Variants in PXYLP1 observed in about 807,000 individuals in gnomAD.
The protein encoded by PXYLP1 is acid phosphatase-like 2.
Under a neutral mutation model 37.9 loss-of-function variants are expected in PXYLP1, and 17 were observed. The ratio of observed to expected loss-of-function variants is 0.45; its 90% CI spans 0.31 to 0.67. The LOEUF (loss-of-function observed/expected upper bound fraction) is 0.67, where lower values mean the gene tolerates loss of function less well. Among genes scored for constraint, PXYLP1 ranks in the 30% least tolerant of loss-of-function variants. The pLI is 0.07. For synonymous variants in PXYLP1, 221 were observed against 232.2 expected (o/e 0.95, Z 0.44); for missense variants, 511 against 612.0 (o/e 0.84, Z 1.74).
At chr3:141,273,452 G>A (rs1941716448) in intron 2 of PXYLP1, 2 of 985,440 alleles carry the variant, frequency 2.0e-6, no homozygotes, top group South Asian at 9.4e-5. Context: ...TATAGCTATG[G>A]GAATGTTTAC....
intron 2 of PXYLP1, among the ~76,000 whole-genome samples, chr3:141,266,721 G>A (rs1168704220): frequency 3.3e-5 from 5 of 151,016 alleles, no homozygotes; most frequent in African/African-American, 2.4e-5. Flanking sequence ...GGCGGGGGGA[G>A]AGAGGGAAAG....
rs149394094 is a variant in PXYLP1, at chr3:141,283,953, G to T, written c.366-3361G>T. 2.6e-4 allele frequency among the ~76,000 whole-genome samples: 40 copies of T among 152,092 alleles called. No individual in the cohort carries two copies. In the East Asian group the frequency reaches 7.7e-3, roughly 29 times the overall value. ...CAAAGTGAATGACTTGAAGGCTTAA[G>T]ATAGTAACACTTTTGATTATTTCAG... On this transcript the variant is annotated intron_variant, in intron 4 of 5. Transcript: ENST00000286353.
At chr3:141,285,145 T>TTTTTC (rs67126108) in intron 4 of PXYLP1, among the ~76,000 whole-genome samples, 1 of 81,640 alleles carries the variant, frequency 1.2e-5, no homozygotes, top group African/African-American at 7.0e-5. Context: ...TTTCTTTTTC[T>TTTTTC]TTTTTTTTTT....
At chr3:141,271,660 AG>A (rs1270673034) in intron 2 of PXYLP1, among the ~76,000 whole-genome samples, 1 of 152,222 alleles carries the variant, frequency 6.6e-6, no homozygotes, top group Non-Finnish European at 1.5e-5. Context: ...AATCAGAAGA[AG>A]GCTGACAGCC....
At chr3:141,283,150 T>A (rs942659390) in intron 4 of PXYLP1, among the ~76,000 whole-genome samples, 22 of 151,684 alleles carry the variant, frequency 1.5e-4, no homozygotes, top group Middle Eastern at 6.8e-3. Flanking sequence ...TATTTTTTTT[T>A]TTTTTTATTT....
chr3:141,257,904 CAAAAAAAAAAAA>C (rs59070598), intron 1 of PXYLP1, among the ~76,000 whole-genome samples: 18 of 79,446 alleles, frequency 2.3e-4, no homozygotes, highest in African/African-American at 7.3e-4. Context: ...AACTCTGTCT[CAAAAAAAAAAAA>C]AAAAAAAAAA....
Position 141,278,512 on chromosome 3 carries a change from T to A in PXYLP1, c.238+12T>A. The A allele has an allele frequency of 6.2e-7, 1 of 1,614,058 alleles. No individual in the cohort carries two copies. The highest frequency in any genetic ancestry group is 8.5e-7 in the Non-Finnish European group (1 of 1,179,946). On this transcript the variant is annotated intron_variant, in intron 3 of 5. Transcript: ENST00000286353. ...GCGCAGCATGGAAGGTAGGCCTGAC[T>A]GTGCCACCAGGACAGATACCCCTTT...
At chr3:141,241,663 G>T (rs1940804589) in intron 1 of PXYLP1, among the ~76,000 whole-genome samples, 1 of 152,246 alleles carries the variant, frequency 6.6e-6, no homozygotes, top group Non-Finnish European at 1.5e-5. Flanking sequence ...AGTCGTGCGA[G>T]ATGGTGTGGC....
At chr3:141,233,759 G>T (rs1012292112) in intron 1 of PXYLP1, among the ~76,000 whole-genome samples, 15 of 152,198 alleles carry the variant, frequency 9.9e-5, no homozygotes, top group African/African-American at 3.6e-4. Flanking sequence ...TTGTGGAACT[G>T]CAGTATCTGT....
At chr3:141,290,110 C>T (rs1489942283) in intron 5 of PXYLP1, among the ~76,000 whole-genome samples, 1 of 152,128 alleles carries the variant, frequency 6.6e-6, no homozygotes, top group Non-Finnish European at 1.5e-5. Flanking sequence ...ACTTACGGCA[C>T]CCTACAGTAA....
Position 141,260,158 on chromosome 3 carries a change from A to T in PXYLP1, c.-18A>T. On this transcript the variant is annotated 5_prime_UTR_variant, in exon 2 of 6. Transcript: ENST00000286353. ...CGATTTGAGGTGAAACCATGAAGAGAAAATAGAATACTTAATAATGCTTTT... is the reference window on the plus strand; with the variant it reads ...CGATTTGAGGTGAAACCATGAAGAGTAAATAGAATACTTAATAATGCTTTT... 1.2e-6 allele frequency: 2 copies of T among 1,613,924 alleles called. No homozygotes were observed. Among genetic ancestry groups the T allele is most frequent in the Non-Finnish European group, 1.7e-6 (2 of 1,179,998 alleles).
At chr3:141,249,802 G>T (rs1276286974) in intron 1 of PXYLP1, among the ~76,000 whole-genome samples, 1 of 152,122 alleles carries the variant, frequency 6.6e-6, no homozygotes, top group Non-Finnish European at 1.5e-5. Flanking sequence ...AAGCAGTAAC[G>T]TTGGATGGAA....
chr3:141,266,687 G>A (rs1941523031), intron 2 of PXYLP1, among the ~76,000 whole-genome samples: 2 of 136,962 alleles, frequency 1.5e-5, no homozygotes, highest in Admixed American at 7.1e-5. Context: ...GAGAGGGAGA[G>A]ATGAGGGGGA....
Position 141,274,768 on chromosome 3 carries a change from G to A in PXYLP1, c.80-3574G>A, listed in dbSNP as rs758922977. The A allele has an allele frequency of 4.0e-4, 263 of 655,714 alleles. 1 individual carries two copies. The highest frequency in any genetic ancestry group is 7.0e-4 in the Admixed American group (33 of 46,844). The allele number at this position is 655,714 out of a possible 1,614,324, so 40.6% of individuals were successfully genotyped here. On this transcript the variant is annotated intron_variant, in intron 2 of 5. Transcript: ENST00000286353. ...CATATACTATGCTGTGAGCCATGAC[G>A]GCAGCAGGAACTGGGTAGGCTCATA...
chr3:141,286,776 G>C lies in PXYLP1; in HGVS notation c.366-538G>C, dbSNP rs1035316594. Reference sequence around the variant, plus strand: ...TGGAGAAGGCAAGATTATTAGAGGGGCATGCTTAATCAGCAAGAAGACCAA... The same window carrying C: ...TGGAGAAGGCAAGATTATTAGAGGGCCATGCTTAATCAGCAAGAAGACCAA... On this transcript the variant is annotated intron_variant, in intron 4 of 5. Coordinates refer to ENST00000286353, the MANE Select transcript of PXYLP1 (RefSeq NM_001037172.3). 1.4e-4 allele frequency among the ~76,000 whole-genome samples: 21 copies of C among 152,270 alleles called. No homozygotes were observed. The South Asian group carries it at 2.3e-3, about 17-fold the overall frequency.
intron 4 of PXYLP1, among the ~76,000 whole-genome samples, chr3:141,280,015 A>G (rs1358165228): frequency 1.3e-5 from 2 of 152,250 alleles, no homozygotes; most frequent in Non-Finnish European, 2.9e-5. Flanking sequence ...CTAATTTTTC[A>G]CTGGAGTAGA....
intron 1 of PXYLP1, among the ~76,000 whole-genome samples, chr3:141,246,956 A>AGCTCAC (rs1440696713): frequency 6.6e-6 from 1 of 152,184 alleles, no homozygotes; most frequent in Non-Finnish European, 1.5e-5. Flanking sequence ...TACCTGTCTC[A>AGCTCAC]GCTCACCAGA....
At chr3:141,255,638 A>G (rs1941247258) in intron 1 of PXYLP1, among the ~76,000 whole-genome samples, 1 of 152,176 alleles carries the variant, frequency 6.6e-6, no homozygotes, top group African/African-American at 2.4e-5. Context: ...AGCTTGTATG[A>G]GTCTCACCAG....
intron 1 of PXYLP1, among the ~76,000 whole-genome samples, chr3:141,251,263 G>A (rs769702222): frequency 2.6e-5 from 4 of 152,194 alleles, no homozygotes; most frequent in Non-Finnish European, 5.9e-5. Context: ...GGTTATCTAG[G>A]GTCCTTCTCT....
Sources: allele counts gnomAD v4.1 joint callset (sites outside exome capture counted in the v4.1 genomes callset), GRCh38; gene constraint gnomAD v4.1.1; transcripts MANE v1.5; gene names NCBI Gene and HGNC (gene_info 2026-07-23, HGNC 2026-07-21).